The following LINGO2 variants were observed in gnomAD, a reference collection of about 807,000 sequenced individuals.
LINGO2 encodes the protein leucine rich repeat and Ig domain containing 2, also known as leucine-rich repeat and immunoglobulin-like domain-containing nogo receptor-interacting protein 2.
LINGO2 carries 14 observed loss-of-function variants against 30.6 expected under a neutral mutation model. That is an observed-to-expected ratio of 0.46 (90% CI 0.30 to 0.72). LINGO2 has a LOEUF of 0.72. Ranked by LOEUF, LINGO2 falls within the 30% of genes least tolerant of loss-of-function variation. LINGO2 has a pLI of 0.07. For synonymous variants in LINGO2, 317 were observed against 288.5 expected (o/e 1.10, Z -1.00); for missense variants, 729 against 751.7 (o/e 0.97, Z 0.35).
intron 3 of LINGO2, among the ~76,000 whole-genome samples, chr9:28,335,170 C>T (rs1825550261): frequency 6.6e-6 from 1 of 152,138 alleles, no homozygotes; most frequent in Admixed American, 6.5e-5. Context: ...AATGCTGAGG[C>T]TTAGGAGGGA....
intron 1 of LINGO2, among the ~76,000 whole-genome samples, chr9:28,513,084 TACACAC>T (rs57773955): frequency 0.017 from 2,553 of 146,716 alleles, 69 homozygotes; most frequent in African/African-American, 0.056. Flanking sequence ...TTAACCATCA[TACACAC>T]ACACACACAC....
the LINGO2 span, among the ~76,000 whole-genome samples, chr9:29,105,818 A>G: frequency 6.6e-6 from 1 of 152,198 alleles, no homozygotes; most frequent in Non-Finnish European, 1.5e-5. Flanking sequence ...AACATCTAGG[A>G]TCTAAGAGTG....
At chr9:29,006,330 C>A in the LINGO2 span, among the ~76,000 whole-genome samples, 1 of 151,744 alleles carries the variant, frequency 6.6e-6, no homozygotes, top group Non-Finnish European at 1.5e-5. Context: ...GCTTGGTATG[C>A]CAAGTATTAT....
chr9:29,041,663 G>A, the LINGO2 span, among the ~76,000 whole-genome samples: 2 of 152,090 alleles, frequency 1.3e-5, no homozygotes, highest in South Asian at 2.1e-4. Context: ...CTCAAAATGT[G>A]TCATGAACTT....
chr9:28,025,107 C>T (rs980456168), intron 4 of LINGO2, among the ~76,000 whole-genome samples: 5 of 152,138 alleles, frequency 3.3e-5, no homozygotes, highest in Admixed American at 2.0e-4. Context: ...TGTTGATTAC[C>T]GGTATCTTGA....
At chr9:28,010,508 A>G (rs1363974383) in intron 5 of LINGO2, among the ~76,000 whole-genome samples, 1 of 152,184 alleles carries the variant, frequency 6.6e-6, no homozygotes, top group African/African-American at 2.4e-5. Context: ...TATAAAGCAG[A>G]GAAAAGCCCT....
chr9:28,201,676 C>A (rs1253007005), intron 4 of LINGO2, among the ~76,000 whole-genome samples: 2 of 151,634 alleles, frequency 1.3e-5, no homozygotes, highest in African/African-American at 4.8e-5. Flanking sequence ...AATGGTTGAA[C>A]CAGTTTACAG....
the LINGO2 span, among the ~76,000 whole-genome samples, chr9:28,803,853 C>T: frequency 6.6e-6 from 1 of 152,010 alleles, no homozygotes; most frequent in Non-Finnish European, 1.5e-5. Context: ...TAAGGGGTAA[C>T]TGTCATGATG....
At chr9:28,660,873 T>G (rs2136008503) in intron 1 of LINGO2, among the ~76,000 whole-genome samples, 1 of 152,294 alleles carries the variant, frequency 6.6e-6, no homozygotes, top group Non-Finnish European at 1.5e-5. Context: ...GATGCTACCT[T>G]TTCTGTCATC....
chr9:28,617,226 CTCTA>C (rs938470290), intron 1 of LINGO2, among the ~76,000 whole-genome samples: 16 of 152,036 alleles, frequency 1.1e-4, no homozygotes, highest in African/African-American at 9.7e-5. Context: ...CATTAAAAGA[CTCTA>C]TCTATCTGTC....
chr9:29,012,260 A>G, the LINGO2 span, among the ~76,000 whole-genome samples: 1 of 152,032 alleles, frequency 6.6e-6, no homozygotes, highest in Non-Finnish European at 1.5e-5. Flanking sequence ...TGGGAGGGTG[A>G]GACAGGAACA....
intron 5 of LINGO2, among the ~76,000 whole-genome samples, chr9:27,965,990 G>A (rs1820081755): frequency 6.6e-6 from 1 of 152,026 alleles, no homozygotes; most frequent in African/African-American, 2.4e-5. Flanking sequence ...CCTTTAAAAT[G>A]AGAACAATAT....
the LINGO2 span, among the ~76,000 whole-genome samples, chr9:28,729,619 T>G: frequency 6.6e-6 from 1 of 150,916 alleles, no homozygotes; most frequent in Non-Finnish European, 1.5e-5. Flanking sequence ...AAATGAAAAC[T>G]TAAAAAAAAC....
the LINGO2 span, among the ~76,000 whole-genome samples, chr9:28,991,307 T>C: frequency 6.6e-6 from 1 of 150,450 alleles, no homozygotes; most frequent in East Asian, 2.0e-4. Context: ...AGAAGGGAAG[T>C]TTAGAGAAAA....
chr9:28,090,735 A>C (rs1040785488), intron 4 of LINGO2, among the ~76,000 whole-genome samples: 1 of 152,164 alleles, frequency 6.6e-6, no homozygotes, highest in Admixed American at 6.5e-5. Context: ...GAGGAGAAAG[A>C]AATAAAGGGT....
At chr9:28,935,931 A>G in the LINGO2 span, among the ~76,000 whole-genome samples, 4 of 152,152 alleles carry the variant, frequency 2.6e-5, no homozygotes, top group Non-Finnish European at 5.9e-5. Context: ...CAAAAGAACT[A>G]TGTTCTAGTA....
At chr9:29,060,522 C>T in the LINGO2 span, among the ~76,000 whole-genome samples, 7 of 152,028 alleles carry the variant, frequency 4.6e-5, no homozygotes, top group East Asian at 1.4e-3. Context: ...AAGACACAAT[C>T]CAAATTTTTT....
At chr9:28,117,211 G>C in intron 4 of LINGO2, among the ~76,000 whole-genome samples, 1 of 152,122 alleles carries the variant, frequency 6.6e-6, no homozygotes, top group East Asian at 1.9e-4. Context: ...GTGCCTCCCA[G>C]TTAGGCTGCC....
chr9:28,054,841 T>C (rs1346476200), intron 4 of LINGO2, among the ~76,000 whole-genome samples: 1 of 152,170 alleles, frequency 6.6e-6, no homozygotes, highest in Non-Finnish European at 1.5e-5. Flanking sequence ...ATCTAAGCCT[T>C]AGGTTGTTAT....
Sources: allele counts gnomAD v4.1 joint callset (sites outside exome capture counted in the v4.1 genomes callset), GRCh38; gene constraint gnomAD v4.1.1; transcripts MANE v1.5; gene names NCBI Gene and HGNC (gene_info 2026-07-23, HGNC 2026-07-21).